TESC: variants seen among roughly 807,000 people sequenced by gnomAD.
The protein encoded by TESC is tescalcin, also known as calcineurin B homologous protein 3.
A neutral mutation model predicts 31.0 loss-of-function variants in TESC; 19 were observed. The observed-to-expected ratio is 0.61, with a 90% CI of 0.43 to 0.90. The LOEUF (loss-of-function observed/expected upper bound fraction) is 0.90. Among genes scored for constraint, TESC ranks in the 40% least tolerant of loss-of-function variants. TESC has a pLI of 0.00. For missense variants in TESC, 248 were observed against 303.8 expected, an observed-to-expected ratio of 0.82 and a Z score of 1.36; for synonymous variants, 109 against 114.8, an observed-to-expected ratio of 0.95 and a Z score of 0.32.
intron 1 of TESC, among the ~76,000 whole-genome samples, chr12:117,097,331 C>T (rs1439495141): frequency 1.3e-5 from 2 of 152,156 alleles, no homozygotes; most frequent in Non-Finnish European, 2.9e-5. Flanking sequence ...AGCAGGAACA[C>T]AGCATCTGTC....
chr12:117,092,275 AC>A (rs1955322771), intron 1 of TESC, among the ~76,000 whole-genome samples: 1 of 152,192 alleles, frequency 6.6e-6, no homozygotes, highest in Non-Finnish European at 1.5e-5. Flanking sequence ...CGGCTCCAGC[AC>A]CGAGCTCAGT....
intron 1 of TESC, among the ~76,000 whole-genome samples, chr12:117,085,939 C>T (rs922183760): frequency 6.6e-6 from 1 of 152,174 alleles, no homozygotes; most frequent in Non-Finnish European, 1.5e-5. Context: ...CTGGTGAGTG[C>T]AAAAACAAAA....
chr12:117,099,303 C>A lies in TESC; in HGVS notation c.-21G>T, dbSNP rs1259669536. 1 of 1,419,922 alleles carries A rather than the reference C, an allele frequency of 7.0e-7. No homozygotes were observed. The highest frequency in any genetic ancestry group is 9.2e-7 in the Non-Finnish European group (1 of 1,092,106). 88.0% of individuals were successfully genotyped at this position (1,419,922 alleles called of 1,614,324 possible). A position where few individuals can be genotyped will look rare whatever the true frequency, so the allele number is the denominator to read the frequency against. ...CCCATGGTGCCCGCGGCGGGGGCCC[C>A]GGGGCGCGCGTCCCTCTCAGGCCCC... On this transcript the variant is annotated 5_prime_UTR_variant, in exon 1 of 8. Transcript: ENST00000335209.
chr12:117,068,133 A>G (rs962370479), intron 2 of TESC, among the ~76,000 whole-genome samples: 11 of 152,102 alleles, frequency 7.2e-5, no homozygotes, highest in African/African-American at 2.7e-4. Context: ...GATTCAAGCA[A>G]TCCTTCCACC....
intron 1 of TESC, among the ~76,000 whole-genome samples, chr12:117,098,965 C>G (rs887650928): frequency 2.6e-5 from 4 of 152,154 alleles, no homozygotes; most frequent in Non-Finnish European, 5.9e-5. Flanking sequence ...GCTCCCTCCC[C>G]GGTCCGCAGT....
Position 117,046,781 on chromosome 12 carries a change from C to T in TESC, c.407G>A (p.Arg136Gln), listed in dbSNP as rs1401185009. 12 of 1,563,924 alleles carry T rather than the reference C, an allele frequency of 7.7e-6. No individual in the cohort carries two copies. The highest frequency in any genetic ancestry group is 3.8e-5 in the Admixed American group (2 of 52,198). Residue 136 changes from arginine to glutamine, a missense_variant, in exon 5 of 8, where the codon CGA (arginine) becomes CAA (glutamine). Transcript: ENST00000335209. ...SDGRITLEEY[R>Q]NVVEELLSGN... ...GGCCAGAGGAGCATACTTTACATTT[C>T]GATATTCTTCCAGAGTGATGCGGCC...
At chr12:117,049,903 GAAAA>G (rs66797686) in intron 3 of TESC, among the ~76,000 whole-genome samples, 22 of 86,448 alleles carry the variant, frequency 2.5e-4, no homozygotes, top group South Asian at 1.5e-3. Flanking sequence ...CCTGTCTCAA[GAAAA>G]AAAAAAAAAA....
intron 2 of TESC, among the ~76,000 whole-genome samples, chr12:117,065,824 G>A (rs1954870725): frequency 6.6e-6 from 1 of 152,182 alleles, no homozygotes. Context: ...TGAGGCTGCA[G>A]TGAGCTGAGA....
intron 1 of TESC, 100 bp downstream of exon 1, chr12:117,099,125 T>C: frequency 8.6e-6 from 11 of 1,285,736 alleles, no homozygotes; most frequent in Non-Finnish European, 1.1e-5. Flanking sequence ...GGCCCGCCAC[T>C]GGCCCAAGGT....
chr12:117,074,757 G>A (rs1036201170), intron 2 of TESC, among the ~76,000 whole-genome samples: 1 of 152,156 alleles, frequency 6.6e-6, no homozygotes, highest in Non-Finnish European at 1.5e-5. Flanking sequence ...GCCCTTCCTC[G>A]CTTCCACGAT....
At chr12:117,086,487 AG>A (rs1206387573) in intron 1 of TESC, among the ~76,000 whole-genome samples, 2 of 152,204 alleles carry the variant, frequency 1.3e-5, no homozygotes, top group Non-Finnish European at 2.9e-5. Context: ...GATGGAGTGC[AG>A]TGGCACGATC....
At chr12:117,088,323 T>C (rs138272857) in intron 1 of TESC, among the ~76,000 whole-genome samples, 27 of 152,244 alleles carry the variant, frequency 1.8e-4, no homozygotes, top group African/African-American at 6.3e-4. Context: ...TTCACAGCCT[T>C]CCAGAACTAT....
chr12:117,081,842 T>G (rs770423466), intron 1 of TESC, among the ~76,000 whole-genome samples: 1 of 151,614 alleles, frequency 6.6e-6, no homozygotes, highest in Non-Finnish European at 1.5e-5. Context: ...AGGTGGAGGT[T>G]GCAGCGAGCC....
chr12:117,084,749 G>C (rs1277416233), intron 1 of TESC, among the ~76,000 whole-genome samples: 2 of 152,194 alleles, frequency 1.3e-5, no homozygotes, highest in Non-Finnish European at 2.9e-5. Context: ...GAGAATGTCA[G>C]CATGCGCTCC....
At chr12:117,059,394 G>A (rs573388411) in intron 2 of TESC, among the ~76,000 whole-genome samples, 42 of 152,292 alleles carry the variant, frequency 2.8e-4, no homozygotes, top group Non-Finnish European at 4.7e-4. Flanking sequence ...CATGGCCTCT[G>A]GCCAAACTCA....
rs755153539 is a variant in TESC at position 117,046,769 on chromosome 12, T to C, written c.411+8A>G. 2 of 1,561,484 alleles carry C rather than the reference T, an allele frequency of 1.3e-6. No individual in the cohort carries two copies. The highest frequency in any genetic ancestry group is 1.7e-4 in the Middle Eastern group (1 of 6,004). ...GAGCCCCGGGCGGGCCAGAGGAGCA[T>C]ACTTTACATTTCGATATTCTTCCAG... On this transcript the variant is annotated splice_region_variant and intron_variant, in intron 5 of 7. Transcript: ENST00000335209.
At chr12:117,059,983 C>T (rs1361830642) in intron 2 of TESC, among the ~76,000 whole-genome samples, 1 of 152,030 alleles carries the variant, frequency 6.6e-6, no homozygotes, top group Non-Finnish European at 1.5e-5. Flanking sequence ...GTGTACGATG[C>T]CATTTATAGG....
At chr12:117,041,234 G>A (rs892930810) in intron 7 of TESC, among the ~76,000 whole-genome samples, 1 of 152,182 alleles carries the variant, frequency 6.6e-6, no homozygotes, top group Admixed American at 6.5e-5. Flanking sequence ...AGCGAGGAAG[G>A]CCCGGGCGCA....
At chr12:117,046,283 G>C (rs1954557009) in intron 6 of TESC, among the ~76,000 whole-genome samples, 1 of 152,244 alleles carries the variant, frequency 6.6e-6, no homozygotes. Context: ...ACTGAGGCCG[G>C]GGTGGGGGAT....
Sources: allele counts gnomAD v4.1 joint callset (sites outside exome capture counted in the v4.1 genomes callset), GRCh38; gene constraint gnomAD v4.1.1; transcripts MANE v1.5; gene names NCBI Gene and HGNC (gene_info 2026-07-23, HGNC 2026-07-21).